Variants in SLC38A9 observed in about 807,000 individuals in gnomAD.
SLC38A9 encodes solute carrier family 38 member 9.
SLC38A9 carries 48 observed loss-of-function variants against 62.3 expected under a neutral mutation model. The observed-to-expected ratio is 0.77, with a 90% CI of 0.61 to 0.98. The LOEUF is 0.98. Ranked by LOEUF, SLC38A9 falls within the 50% of genes least tolerant of loss-of-function variation. The pLI is 0.00. For synonymous variants in SLC38A9, 204 were observed against 227.7 expected (o/e 0.90, Z 0.94); for missense variants, 541 against 679.8 (o/e 0.80, Z 2.27).
chr5:55,644,330 T>C (rs1006492366), intron 12 of SLC38A9, among the ~76,000 whole-genome samples: 1 of 149,242 alleles, frequency 6.7e-6, no homozygotes, highest in African/African-American at 2.5e-5. Flanking sequence ...TCTACTATGT[T>C]GCTATTTGTT....
intron 3 of SLC38A9, among the ~76,000 whole-genome samples, chr5:55,678,645 CTTTTTTTTTTTTTT>C (rs869297949): frequency 2.0e-4 from 9 of 45,800 alleles, no homozygotes; most frequent in Non-Finnish European, 3.0e-4. Flanking sequence ...CTGAAATGAA[CTTTTTTTTTTTTTT>C]TTTTTTTTTT....
intron 8 of SLC38A9, among the ~76,000 whole-genome samples, chr5:55,658,333 T>C (rs905387654): frequency 2.0e-5 from 3 of 152,132 alleles, no homozygotes; most frequent in Non-Finnish European, 4.4e-5. Context: ...TTTGTATTTT[T>C]AGTAGAGACA....
At chr5:55,690,156 T>C (rs1262800087) in intron 3 of SLC38A9, among the ~76,000 whole-genome samples, 1 of 152,170 alleles carries the variant, frequency 6.6e-6, no homozygotes, top group African/African-American at 2.4e-5. Flanking sequence ...TTTTTTGCTT[T>C]TGTAGAAATT....
chr5:55,669,738 C>T lies in SLC38A9; in HGVS notation c.368+20G>A. The T allele has an allele frequency of 6.2e-7, 1 of 1,607,158 alleles. No individual in the cohort carries two copies. ...TCCATATACAGTTTAAGTCATGCTC[C>T]AAAAAGCAGTTTCACTCACATGGTT... On this transcript the variant is annotated intron_variant, in intron 5 of 15. Coordinates refer to ENST00000396865, the MANE Select transcript of SLC38A9 (RefSeq NM_173514.4).
chr5:55,633,527 G>A (rs937207693), intron 14 of SLC38A9: 11 of 475,194 alleles, frequency 2.3e-5, no homozygotes, highest in South Asian at 8.0e-5. Flanking sequence ...AAATGGTATC[G>A]GAGCTAATTA....
intron 2 of SLC38A9, among the ~76,000 whole-genome samples, chr5:55,700,689 C>G (rs2150665333): frequency 6.6e-6 from 1 of 152,348 alleles, no homozygotes; most frequent in African/African-American, 2.4e-5. Flanking sequence ...TTTCCTATCA[C>G]TATACAGAAG....
intron 2 of SLC38A9, among the ~76,000 whole-genome samples, chr5:55,699,461 C>T (rs6450343): frequency 0.6 from 91,212 of 151,992 alleles, 27,939 homozygotes; most frequent in South Asian, 0.7. Context: ...ACCTTCATCG[C>T]AGGCCTCAAA....
chr5:55,693,628 T>C (rs1458221713), intron 3 of SLC38A9, among the ~76,000 whole-genome samples: 1 of 152,248 alleles, frequency 6.6e-6, no homozygotes, highest in Non-Finnish European at 1.5e-5. Flanking sequence ...TTGAAGACTA[T>C]GACATCTTCA....
chr5:55,681,959 C>G (rs1482735216), intron 3 of SLC38A9, among the ~76,000 whole-genome samples: 1 of 152,148 alleles, frequency 6.6e-6, no homozygotes, highest in Non-Finnish European at 1.5e-5. Context: ...CCCACAAAGC[C>G]TAAAGTATTT....
At chr5:55,707,289 A>G (rs1463820197) in intron 2 of SLC38A9, among the ~76,000 whole-genome samples, 2 of 152,202 alleles carry the variant, frequency 1.3e-5, no homozygotes, top group East Asian at 1.9e-4. Context: ...CAAATATTAC[A>G]TAGGTGATAA....
chr5:55,678,810 G>T (rs1449966441), intron 3 of SLC38A9, among the ~76,000 whole-genome samples: 1 of 151,674 alleles, frequency 6.6e-6, no homozygotes, highest in Non-Finnish European at 1.5e-5. Context: ...ACAGGCATGT[G>T]CCACATGCCT....
At chr5:55,641,302 T>C (rs1243752738) in intron 12 of SLC38A9, among the ~76,000 whole-genome samples, 3 of 152,246 alleles carry the variant, frequency 2.0e-5, no homozygotes, top group Admixed American at 6.5e-5. Context: ...CTTGGTGAAC[T>C]GCCATACTCC....
intron 12 of SLC38A9, among the ~76,000 whole-genome samples, chr5:55,644,391 C>T (rs1025434326): frequency 4.0e-5 from 6 of 151,798 alleles, no homozygotes; most frequent in African/African-American, 1.2e-4. Context: ...TCTTTGGTCC[C>T]TTTTCCATGG....
chr5:55,664,789 T>C lies in SLC38A9; in HGVS notation c.601A>G (p.Ser201Gly). Residue 201 changes from serine to glycine, a missense_variant, in exon 8 of 16, where the codon AGT becomes GGT. By Grantham distance (56) the Ser-to-Gly change is moderately conservative. Coordinates refer to ENST00000396865, the MANE Select transcript of SLC38A9 (RefSeq NM_173514.4). ...HYFGSFGQWSSLLFSLVSLIG... is the reference protein window; with the variant it reads ...HYFGSFGQWSGLLFSLVSLIG... Reference sequence around the variant, plus strand: ...AGAGACACCAAGGAGAAAAGGAGACTCGACCACTGCCCAAAGGAGCCGAAA... The same window carrying C: ...AGAGACACCAAGGAGAAAAGGAGACCCGACCACTGCCCAAAGGAGCCGAAA... 6.3e-7 allele frequency: 1 copy of C among 1,596,808 alleles called. No homozygotes were observed. Among genetic ancestry groups the C allele is most frequent in the Non-Finnish European group, 8.5e-7 (1 of 1,172,778 alleles).
At chr5:55,671,055 T>C (rs920081897) in intron 4 of SLC38A9, among the ~76,000 whole-genome samples, 1 of 152,222 alleles carries the variant, frequency 6.6e-6, no homozygotes, top group African/African-American at 2.4e-5. Flanking sequence ...TGTTAATGAA[T>C]GTTGGTTCTC....
intron 3 of SLC38A9, among the ~76,000 whole-genome samples, chr5:55,679,624 A>C (rs1239110364): frequency 1.3e-5 from 2 of 151,858 alleles, no homozygotes; most frequent in Non-Finnish European, 2.9e-5. Flanking sequence ...TAGCAGCAAC[A>C]CTGGAATGAG....
chr5:55,696,593 C>G (rs1199593827), intron 3 of SLC38A9: 1 of 60,730 alleles, frequency 1.6e-5, no homozygotes, highest in South Asian at 8.6e-4. Flanking sequence ...CACCTCCCTC[C>G]CGGACGGGGC....
intron 3 of SLC38A9, among the ~76,000 whole-genome samples, chr5:55,695,059 C>T (rs6450341): frequency 0.6 from 91,126 of 151,902 alleles, 27,907 homozygotes; most frequent in South Asian, 0.7. Flanking sequence ...GGCCCAAGAG[C>T]TCTTGCAGTA....
chr5:55,687,077 T>G (rs200493665), intron 3 of SLC38A9, among the ~76,000 whole-genome samples: 30 of 135,988 alleles, frequency 2.2e-4, no homozygotes, highest in African/African-American at 7.5e-4. Flanking sequence ...TTTTTTTTTT[T>G]TTTTTTTTTT....
Sources: gnomAD v4.1 joint callset for allele counts (sites outside exome capture counted in the v4.1 genomes callset) on GRCh38, gnomAD v4.1.1 for gene constraint, MANE v1.5 for transcripts, NCBI Gene and HGNC (gene_info 2026-07-23, HGNC 2026-07-21) for gene names.